The following FUT9 variants were observed in gnomAD, a reference collection of about 807,000 sequenced individuals.
FUT9 encodes the protein 4-galactosyl-N-acetylglucosaminide 3-alpha-L-fucosyltransferase 9.
In FUT9, 15 loss-of-function variants were observed where a neutral mutation model predicts 29.7. The ratio of observed to expected loss-of-function variants is 0.51; its 90% CI spans 0.34 to 0.78. The LOEUF is 0.78. Ranked by LOEUF, FUT9 falls within the 30% of genes least tolerant of loss-of-function variation. The probability of loss-of-function intolerance (pLI) is 0.01; values close to 1 mark genes in which losing one functional copy is unlikely to be tolerated. For synonymous variants in FUT9, 169 were observed against 153.7 expected (o/e 1.10, Z -0.74); for missense variants, 319 against 425.4 (o/e 0.75, Z 2.20).
rs551044339 is a variant in FUT9, at chr6:96,173,310, C to T, written c.-8-29838C>T. 3.3e-5 allele frequency among the ~76,000 whole-genome samples: 5 copies of T among 152,062 alleles called. No homozygotes were observed. The South Asian group carries it at 1.0e-3, about 32-fold the overall frequency. ...AAGGACTTGCCTTAACTGATATTGT[C>T]TTGTTTACTTTCTTGTGTTTATTTT... On this transcript the variant is annotated intron_variant, in intron 2 of 2. Transcript: ENST00000302103.
intron 1 of FUT9, among the ~76,000 whole-genome samples, chr6:96,059,043 A>G (rs974444398): frequency 6.6e-6 from 1 of 152,226 alleles, no homozygotes; most frequent in Admixed American, 6.5e-5. Flanking sequence ...ATAAAATATT[A>G]GTTTTTAATA....
chr6:96,197,917 A>T (rs1562161611), intron 2 of FUT9, among the ~76,000 whole-genome samples: 1 of 152,164 alleles, frequency 6.6e-6, no homozygotes, highest in Non-Finnish European at 1.5e-5. Context: ...TAAGGATTCA[A>T]TACCTACCTC....
chr6:96,101,563 A>T (rs1222011817), intron 1 of FUT9, among the ~76,000 whole-genome samples: 2 of 151,892 alleles, frequency 1.3e-5, no homozygotes, highest in Non-Finnish European at 2.9e-5. Context: ...AAAAAAGAAC[A>T]TAAAAATGTA....
At chr6:96,183,735 T>G (rs1773352574) in intron 2 of FUT9, among the ~76,000 whole-genome samples, 1 of 152,102 alleles carries the variant, frequency 6.6e-6, no homozygotes, top group Admixed American at 6.6e-5. Flanking sequence ...GTTTATGTGT[T>G]GTATCACATT....
At chr6:96,070,082 AC>A (rs1430602286) in intron 1 of FUT9, among the ~76,000 whole-genome samples, 1 of 152,210 alleles carries the variant, frequency 6.6e-6, no homozygotes, top group Non-Finnish European at 1.5e-5. Flanking sequence ...AGAATATTTA[AC>A]TTCCTTAATA....
intron 2 of FUT9, among the ~76,000 whole-genome samples, chr6:96,171,591 C>T (rs1203955381): frequency 6.6e-6 from 1 of 152,138 alleles, no homozygotes; most frequent in Admixed American, 6.5e-5. Flanking sequence ...GCTTTTGTTG[C>T]TCCGTGCATA....
At position 96,106,510 on chromosome 6, in the gene FUT9, T is replaced by C. The variant is rs542296850; in HGVS notation, c.-97-7529T>C. On this transcript the variant is annotated intron_variant, in intron 1 of 2. Coordinates refer to ENST00000302103, the MANE Select transcript of FUT9 (RefSeq NM_006581.4). ...CCAGTTCCAAGAGGCATGTACTTCTTGGTGGGTGTGACTGTTATACAATCT... is the reference window on the plus strand; with the variant it reads ...CCAGTTCCAAGAGGCATGTACTTCTCGGTGGGTGTGACTGTTATACAATCT... 3.9e-5 allele frequency among the ~76,000 whole-genome samples: 6 copies of C among 152,212 alleles called. No individual in the cohort carries two copies. In the East Asian group the frequency reaches 1.2e-3, roughly 29 times the overall value.
rs751224386 is a variant in FUT9, at chr6:96,197,035, T to G, written c.-8-6113T>G. Among the ~76,000 whole-genome samples the G allele has an allele frequency of 1.0e-3, 157 of 152,064 alleles. 3 individuals carry two copies. Among genetic ancestry groups the G allele is most frequent in the Non-Finnish European group, 2.9e-4 (20 of 68,006 alleles). Reference sequence around the variant, plus strand: ...GCTTGCTTTAGGAGATAATGAGTGGTGAAAGACAGGAGAGCAGTAGAAAGT... The same window carrying G: ...GCTTGCTTTAGGAGATAATGAGTGGGGAAAGACAGGAGAGCAGTAGAAAGT... On this transcript the variant is annotated intron_variant, in intron 2 of 2. Coordinates refer to ENST00000302103, the MANE Select transcript of FUT9 (RefSeq NM_006581.4).
intron 1 of FUT9, among the ~76,000 whole-genome samples, chr6:96,031,238 T>C (rs1770255324): frequency 6.6e-6 from 1 of 151,578 alleles, no homozygotes; most frequent in African/African-American, 2.4e-5. Context: ...TGAGTGTATG[T>C]GTGTAAACAA....
intron 2 of FUT9, among the ~76,000 whole-genome samples, chr6:96,183,820 T>C (rs767112116): frequency 1.3e-5 from 2 of 152,146 alleles, no homozygotes; most frequent in African/African-American, 2.4e-5. Context: ...ATTATCTTTT[T>C]GCTGTGTTAT....
At chr6:96,181,202 A>G (rs964904169) in intron 2 of FUT9, among the ~76,000 whole-genome samples, 2 of 151,984 alleles carry the variant, frequency 1.3e-5, no homozygotes, top group Non-Finnish European at 2.9e-5. Context: ...GTCATATCAG[A>G]CTCACTTCAA....
At chr6:96,108,365 G>A (rs1771732622) in intron 1 of FUT9, among the ~76,000 whole-genome samples, 1 of 152,096 alleles carries the variant, frequency 6.6e-6, no homozygotes, top group African/African-American at 2.4e-5. Flanking sequence ...CTTACAAGCT[G>A]AATGACCTTG....
At chr6:96,197,680 T>A (rs576536363) in intron 2 of FUT9, among the ~76,000 whole-genome samples, 1 of 152,308 alleles carries the variant, frequency 6.6e-6, no homozygotes, top group South Asian at 2.1e-4. Flanking sequence ...TCAAATGTCC[T>A]GATCCAACAA....
At chr6:96,074,646 T>C (rs2127948603) in intron 1 of FUT9, among the ~76,000 whole-genome samples, 1 of 152,302 alleles carries the variant, frequency 6.6e-6, no homozygotes, top group African/African-American at 2.4e-5. Flanking sequence ...AAAAGCAATA[T>C]GGTCACCTAT....
At chr6:96,116,754 G>A (rs1771918787) in intron 2 of FUT9, among the ~76,000 whole-genome samples, 1 of 152,030 alleles carries the variant, frequency 6.6e-6, no homozygotes, top group African/African-American at 2.4e-5. Flanking sequence ...CATAGAGATG[G>A]GAAGCAGATC....
At chr6:96,105,665 T>C (rs544466974) in intron 1 of FUT9, among the ~76,000 whole-genome samples, 2 of 152,312 alleles carry the variant, frequency 1.3e-5, no homozygotes, top group South Asian at 4.1e-4. Flanking sequence ...TGCAGTTAAT[T>C]TATACTCAAG....
At chr6:96,093,055 A>G (rs1376049451) in intron 1 of FUT9, among the ~76,000 whole-genome samples, 1 of 152,142 alleles carries the variant, frequency 6.6e-6, no homozygotes, top group Admixed American at 6.6e-5. Context: ...GGCATGAGCC[A>G]CCTTACCCAG....
At chr6:96,201,800 C>T (rs934247774) in intron 2 of FUT9, among the ~76,000 whole-genome samples, 8 of 151,028 alleles carry the variant, frequency 5.3e-5, no homozygotes, top group African/African-American at 1.9e-4. Flanking sequence ...GCTGCAATCT[C>T]TGATTCCAAT....
chr6:96,194,114 A>C (rs1386008861), intron 2 of FUT9, among the ~76,000 whole-genome samples: 1 of 152,190 alleles, frequency 6.6e-6, no homozygotes, highest in African/African-American at 2.4e-5. Context: ...ATGACAAGTT[A>C]ATGGGTGCAG....
Sources: allele counts gnomAD v4.1 joint callset (sites outside exome capture counted in the v4.1 genomes callset), GRCh38; gene constraint gnomAD v4.1.1; transcripts MANE v1.5; gene names NCBI Gene and HGNC (gene_info 2026-07-23, HGNC 2026-07-21).